Variants in MAGI3 observed in about 807,000 individuals in gnomAD.
The protein encoded by MAGI3 is membrane-associated guanylate kinase, WW and PDZ domain-containing protein 3.
A neutral mutation model predicts 121.8 loss-of-function variants in MAGI3; 43 were observed. The ratio of observed to expected loss-of-function variants is 0.35; its 90% CI spans 0.28 to 0.46. The LOEUF (loss-of-function observed/expected upper bound fraction) is 0.46. Ranked by LOEUF, MAGI3 falls within the 20% of genes least tolerant of loss-of-function variation. MAGI3 has a pLI of 1.00. For missense variants in MAGI3, 1,547 were observed against 1,797.3 expected (o/e 0.86, Z 2.52); for synonymous variants, 553 against 639.3 (o/e 0.86, Z 2.04).
At chr1:113,678,818 C>T (rs1232455638) in intron 19 of MAGI3, among the ~76,000 whole-genome samples, 1 of 152,130 alleles carries the variant, frequency 6.6e-6, no homozygotes, top group African/African-American at 2.4e-5. Flanking sequence ...GCCTCCTGAC[C>T]GCCTGTGCCA....
Position 113,391,466 on chromosome 1 carries a change from A to T in MAGI3, c.316+117A>T. 2.6e-6 allele frequency: 3 copies of T among 1,155,186 alleles called. No homozygotes were observed. The highest frequency in any genetic ancestry group is 3.6e-6 in the Non-Finnish European group (3 of 822,760). 71.6% of individuals were successfully genotyped at this position (1,155,186 alleles called of 1,614,324 possible). A position where few individuals can be genotyped will look rare whatever the true frequency, so the allele number is the denominator to read the frequency against. On this transcript the variant is annotated intron_variant, in intron 1 of 20. Transcript: ENST00000307546. This position sits in a 1 kb window ranked among gnomAD's most constrained non-coding sequence, Gnocchi z 4.4. Reference sequence around the variant, plus strand: ...TTGTCCCGGGTAATCTTAGACCTCTAGGGTGTGCCAGACTCCTTGACGAGG... The same window carrying T: ...TTGTCCCGGGTAATCTTAGACCTCTTGGGTGTGCCAGACTCCTTGACGAGG...
At chr1:113,548,068 AAG>A (rs1659616363) in intron 1 of MAGI3, among the ~76,000 whole-genome samples, 1 of 152,234 alleles carries the variant, frequency 6.6e-6, no homozygotes, top group South Asian at 2.1e-4. Flanking sequence ...AGAAGAGCAA[AAG>A]AGGGAGTTAG....
intron 20 of MAGI3, chr1:113,682,255 A>G: frequency 6.2e-7 from 1 of 1,612,042 alleles, no homozygotes; most frequent in Non-Finnish European, 8.5e-7. Flanking sequence ...AACCCGAGCA[A>G]CATTAAGGCT....
At chr1:113,431,814 G>A (rs1300589762) in intron 1 of MAGI3, among the ~76,000 whole-genome samples, 1 of 152,014 alleles carries the variant, frequency 6.6e-6, no homozygotes, top group Non-Finnish European at 1.5e-5. Flanking sequence ...GCAATTTCAT[G>A]CAAAAATTCC....
chr1:113,684,012 T>C lies in MAGI3; in HGVS notation c.4444T>C (p.Ter1482GlnextTer4). Residue 1482 changes from the stop codon to glutamine (Q), a stop_lost, in exon 21 of 21, where the codon TAA becomes CAA. Transcript: ENST00000307546. ...GTIGMAEKRQ* is the reference protein window; with the variant it reads ...GTIGMAEKRQQ ...TATTGGTATGGCTGAGAAACGGCAG[T>C]AACCTTTAGTATAAAACAAAGAAAA... The C allele has an allele frequency of 6.4e-7, 1 of 1,552,606 alleles. No homozygotes were observed. Among genetic ancestry groups the C allele is most frequent in the Non-Finnish European group, 8.6e-7 (1 of 1,156,970 alleles).
At chr1:113,638,643 G>T (rs945684879) in intron 9 of MAGI3, among the ~76,000 whole-genome samples, 2 of 152,186 alleles carry the variant, frequency 1.3e-5, no homozygotes, top group South Asian at 2.1e-4. Context: ...TGCCCCTACT[G>T]GGGGGTGCCT....
intron 1 of MAGI3, 94 bp from the exon 2 acceptor site, chr1:113,549,421 G>A (rs985466987): frequency 1.6e-6 from 1 of 636,544 alleles, no homozygotes; most frequent in African/African-American, 1.9e-5. Context: ...TAGCTAACTG[G>A]TTTAAGAGTA....
At chr1:113,630,122 G>T (rs1036818948) in intron 9 of MAGI3, among the ~76,000 whole-genome samples, 5 of 151,972 alleles carry the variant, frequency 3.3e-5, no homozygotes, top group Admixed American at 3.3e-4. Context: ...AAATTTACCT[G>T]GTATTCTATT....
chr1:113,507,359 G>A (rs1657385099), intron 1 of MAGI3, among the ~76,000 whole-genome samples: 1 of 152,106 alleles, frequency 6.6e-6, no homozygotes, highest in Non-Finnish European at 1.5e-5. Context: ...CTTGTAAGGG[G>A]ATAGCGTTTA....
intron 15 of MAGI3, among the ~76,000 whole-genome samples, 182 bp downstream of exon 15, chr1:113,654,200 A>G (rs564463311): frequency 6.6e-6 from 1 of 152,358 alleles, no homozygotes; most frequent in East Asian, 1.9e-4. Context: ...TCCAGGCTTC[A>G]AGTTTATCTA....
chr1:113,627,293 A>G (rs911663051), intron 9 of MAGI3, among the ~76,000 whole-genome samples: 1 of 151,898 alleles, frequency 6.6e-6, no homozygotes, highest in Admixed American at 6.6e-5. Context: ...AGTTGAGAAG[A>G]TACTTGATAT....
chr1:113,477,806 A>G (rs1655908839), intron 1 of MAGI3, among the ~76,000 whole-genome samples: 1 of 152,172 alleles, frequency 6.6e-6, no homozygotes, highest in African/African-American at 2.4e-5. Flanking sequence ...CTCCTGGATA[A>G]TATCCTGAAG....
intron 9 of MAGI3, among the ~76,000 whole-genome samples, chr1:113,629,873 C>G (rs116390604): frequency 0.021 from 3,207 of 151,366 alleles, 113 homozygotes; most frequent in African/African-American, 0.074. Context: ...TGGCCACCAC[C>G]ACTGGGACTG....
Position 113,659,285 on chromosome 1 carries a change from G to T in MAGI3, c.2815+20G>T, listed in dbSNP as rs1216657751. 1 of 1,610,402 alleles carries T rather than the reference G, an allele frequency of 6.2e-7. No homozygotes were observed. Among genetic ancestry groups the T allele is most frequent in the South Asian group, 1.1e-5 (1 of 90,290 alleles). ...AAGAAGGTAAGGAGCCAGTAGACGC[G>T]CCTGCCCCAAGCTGATCTGAGAGGC... On this transcript the variant is annotated intron_variant, in intron 16 of 20. Transcript: ENST00000307546.
At chr1:113,664,397 A>G (rs1258502025) in intron 16 of MAGI3, among the ~76,000 whole-genome samples, 3 of 152,188 alleles carry the variant, frequency 2.0e-5, no homozygotes, top group African/African-American at 7.2e-5. Flanking sequence ...CAGTATTACA[A>G]ACAATTCTAT....
chr1:113,656,538 C>T lies in MAGI3; in HGVS notation c.2629+2520C>T, dbSNP rs1044268562. On this transcript the variant is annotated intron_variant, in intron 15 of 20. Transcript: ENST00000307546. ...AAGTGATTCTCGTGCCTCAGCCTCC[C>T]GATTAGCTGGGATTACAGGCATGTG... Among the ~76,000 whole-genome samples, 4 of 151,746 alleles carry T rather than the reference C, an allele frequency of 2.6e-5. No homozygotes were observed. In the South Asian group the frequency reaches 6.2e-4, roughly 24 times the overall value.
intron 1 of MAGI3, among the ~76,000 whole-genome samples, chr1:113,407,501 G>C (rs1034055976): frequency 6.6e-6 from 1 of 151,988 alleles, no homozygotes; most frequent in South Asian, 2.1e-4. Context: ...CTACCACCAA[G>C]ATTATTTTCT....
intron 20 of MAGI3, among the ~76,000 whole-genome samples, chr1:113,681,600 T>C (rs1042089847): frequency 6.6e-6 from 1 of 152,228 alleles, no homozygotes; most frequent in African/African-American, 2.4e-5. Context: ...GAAATGTACC[T>C]ATTAAAAAAG....
chr1:113,614,542 G>C (rs1650342260), intron 6 of MAGI3, 59 bp from the exon 7 acceptor site: 4 of 1,239,738 alleles, frequency 3.2e-6, no homozygotes, highest in Middle Eastern at 2.1e-4. Context: ...TCACTCACTG[G>C]TGAATTCTTT....
Sources: gnomAD v4.1 joint callset for allele counts (sites outside exome capture counted in the v4.1 genomes callset) on GRCh38, gnomAD v4.1.1 for gene constraint, Gnocchi (gnomAD v3.1) non-coding constraint, MANE v1.5 for transcripts, NCBI Gene and HGNC (gene_info 2026-07-23, HGNC 2026-07-21) for gene names.